Variants in GALM observed in about 807,000 individuals in gnomAD.
The protein encoded by GALM is galactose mutarotase.
A neutral mutation model predicts 37.4 loss-of-function variants in GALM; 43 were observed. The ratio of observed to expected loss-of-function variants is 1.15; its 90% CI spans 0.90 to 1.48. GALM has a LOEUF of 1.48. Among genes scored for constraint, GALM ranks in the 40% most tolerant of loss-of-function variants. The pLI is 0.00. For synonymous variants in GALM, 199 were observed against 170.6 expected, an observed-to-expected ratio of 1.17 and a Z score of -1.30; for missense variants, 456 against 419.1, an observed-to-expected ratio of 1.09 and a Z score of -0.77.
chr2:38,679,039 T>G (rs1013336119), intron 2 of GALM, among the ~76,000 whole-genome samples: 2 of 152,172 alleles, frequency 1.3e-5, no homozygotes, highest in African/African-American at 4.8e-5. Context: ...CAGGCTGGAG[T>G]GCAGTGGCGC....
intron 4 of GALM, among the ~76,000 whole-genome samples, chr2:38,723,246 AG>A (rs1270888614): frequency 6.6e-6 from 1 of 152,204 alleles, no homozygotes; most frequent in Non-Finnish European, 1.5e-5. Context: ...CAGAGTTGAG[AG>A]GCCGGGGGAA....
intron 4 of GALM, among the ~76,000 whole-genome samples, chr2:38,707,500 G>C (rs1666055725): frequency 6.6e-6 from 1 of 152,206 alleles, no homozygotes; most frequent in Non-Finnish European, 1.5e-5. Flanking sequence ...CAATACTCCA[G>C]GGAGTCAAGT....
chr2:38,703,165 T>C (rs934115459), intron 4 of GALM, among the ~76,000 whole-genome samples: 5 of 128,044 alleles, frequency 3.9e-5, no homozygotes, highest in African/African-American at 1.5e-4. Context: ...TGGATTGCAA[T>C]GGTGCGATCT....
intron 4 of GALM, among the ~76,000 whole-genome samples, chr2:38,690,478 C>T (rs1665647883): frequency 1.3e-5 from 2 of 151,902 alleles, no homozygotes; most frequent in Non-Finnish European, 2.9e-5. Flanking sequence ...ATTCTGTTGC[C>T]CAGGCTGGAG....
intron 4 of GALM, among the ~76,000 whole-genome samples, chr2:38,709,218 C>T (rs1263832440): frequency 2.0e-5 from 3 of 152,034 alleles, no homozygotes; most frequent in Non-Finnish European, 4.4e-5. Context: ...CCTGGCAGTC[C>T]CAGGAGGGGA....
intron 4 of GALM, among the ~76,000 whole-genome samples, chr2:38,719,937 C>T (rs907235810): frequency 1.3e-5 from 2 of 151,652 alleles, no homozygotes; most frequent in Non-Finnish European, 2.9e-5. Context: ...TTTGGCCAGG[C>T]GCGTTGGCTC....
At chr2:38,720,029 C>T (rs1297258564) in intron 4 of GALM, among the ~76,000 whole-genome samples, 1 of 151,798 alleles carries the variant, frequency 6.6e-6, no homozygotes, top group Non-Finnish European at 1.5e-5. Flanking sequence ...TGGTGAAACC[C>T]CGTCTCTACT....
intron 4 of GALM, among the ~76,000 whole-genome samples, chr2:38,718,334 G>A (rs1666311567): frequency 6.6e-6 from 1 of 151,128 alleles, no homozygotes; most frequent in Admixed American, 6.6e-5. Context: ...CAAGTAGCTG[G>A]GATTACAAGT....
rs935059344 is a variant in GALM, at chr2:38,701,337, GT to G, written c.634+11453del. On this transcript the variant is annotated intron_variant, in intron 4 of 6. Coordinates refer to ENST00000272252, the MANE Select transcript of GALM (RefSeq NM_138801.3). The stretch of plus-strand genomic sequence containing the variant: ...TCTTTAAAGGCATTTACAGCACACA[GT>G]TTTTTTTTTCCTTATAATTTTGCTG... 1.5e-4 allele frequency among the ~76,000 whole-genome samples: 23 copies of G among 150,216 alleles called. 1 individual carries two copies. The highest frequency in any genetic ancestry group is 5.3e-4 in the Admixed American group (8 of 15,060).
intron 4 of GALM, among the ~76,000 whole-genome samples, chr2:38,721,081 AT>A (rs1454166971): frequency 6.6e-6 from 1 of 152,230 alleles, no homozygotes; most frequent in African/African-American, 2.4e-5. Flanking sequence ...TCTTTGAAGA[AT>A]GCAATCTGCC....
rs575045929 is a variant in GALM, at chr2:38,733,519, G to A, written c.983G>A (p.Gly328Asp). 713 of 1,614,056 alleles carry A rather than the reference G, an allele frequency of 4.4e-4. 6 individuals are homozygous for A. The South Asian group carries it at 6.1e-3, about 14-fold the overall frequency. The part of the protein sequence containing the change: ...PRFPPVLLRP[G>D]EEYDHTTWFK... The stretch of plus-strand genomic sequence containing the variant: ...TTCCCTCCTGTGCTGCTGAGGCCTG[G>A]TGAGGAGTATGACCACACCACCTGG... The change falls in exon 7 of 7, where the codon GGT (glycine) becomes GAT (aspartate). Residue 328 changes from glycine (G) to aspartate (D), a missense_variant. Coordinates refer to ENST00000272252, the MANE Select transcript of GALM (RefSeq NM_138801.3).
intron 1 of GALM, chr2:38,668,228 C>T (rs1418022437): frequency 6.6e-6 from 1 of 152,156 alleles, no homozygotes; most frequent in East Asian, 1.9e-4. Context: ...CTCTGTCACC[C>T]AGGCTAGAGT....
chr2:38,687,789 T>C (rs942287071), intron 3 of GALM, among the ~76,000 whole-genome samples: 1 of 152,156 alleles, frequency 6.6e-6, no homozygotes, highest in Non-Finnish European at 1.5e-5. Context: ...TTCTGTCGTG[T>C]TTAGACATGC....
Position 38,706,153 on chromosome 2 carries a change from C to T in GALM, c.634+16259C>T, listed in dbSNP as rs1666033148. On this transcript the variant is annotated intron_variant, in intron 4 of 6. Coordinates refer to ENST00000272252, the MANE Select transcript of GALM (RefSeq NM_138801.3). ...CCAAGTAGCTGGGATTACACGTGCC[C>T]GCCACCCTGCCCAGCTAATTTTTGT... Among the ~76,000 whole-genome samples the T allele has an allele frequency of 2.6e-5, 4 of 151,948 alleles. No homozygotes were observed. In the South Asian group the frequency reaches 8.3e-4, roughly 32 times the overall value.
At chr2:38,715,923 G>A (rs1666262054) in intron 4 of GALM, among the ~76,000 whole-genome samples, 1 of 152,158 alleles carries the variant, frequency 6.6e-6, no homozygotes, top group Non-Finnish European at 1.5e-5. Flanking sequence ...TACAGATGAG[G>A]TAACCAAGCT....
intron 4 of GALM, among the ~76,000 whole-genome samples, chr2:38,723,189 G>A (rs762477285): frequency 1.3e-5 from 2 of 152,144 alleles, no homozygotes; most frequent in African/African-American, 2.4e-5. Context: ...CTTGATATAT[G>A]TGAAAGTTGG....
intron 4 of GALM, among the ~76,000 whole-genome samples, chr2:38,725,508 C>A (rs1439960602): frequency 1.3e-5 from 2 of 151,204 alleles, no homozygotes; most frequent in African/African-American, 4.9e-5. Context: ...TGCACTACAG[C>A]CTGGGTAACA....
At chr2:38,708,229 A>T (rs1216248565) in intron 4 of GALM, among the ~76,000 whole-genome samples, 1 of 151,982 alleles carries the variant, frequency 6.6e-6, no homozygotes, top group Middle Eastern at 3.2e-3. Context: ...GAGCCCAGAG[A>T]GCTAGGGGCT....
At chr2:38,690,741 C>A (rs1451308380) in intron 4 of GALM, among the ~76,000 whole-genome samples, 1 of 152,110 alleles carries the variant, frequency 6.6e-6, no homozygotes, top group Non-Finnish European at 1.5e-5. Context: ...CCACTTTGGC[C>A]TCTTTAATGG....
Sources: gnomAD v4.1 joint callset for allele counts (sites outside exome capture counted in the v4.1 genomes callset) on GRCh38, gnomAD v4.1.1 for gene constraint, MANE v1.5 for transcripts, NCBI Gene and HGNC (gene_info 2026-07-23, HGNC 2026-07-21) for gene names.